The following MDGA2 variants were observed in gnomAD, a reference collection of about 807,000 sequenced individuals.
MDGA2 encodes the protein MAM domain-containing glycosylphosphatidylinositol anchor protein 2.
Under a neutral mutation model 117.8 loss-of-function variants are expected in MDGA2, and 40 were observed. The observed-to-expected ratio is 0.34, with a 90% CI of 0.26 to 0.44. The LOEUF (loss-of-function observed/expected upper bound fraction) is 0.44. MDGA2 is among the 20% of genes least tolerant of loss of function. The pLI, the probability that MDGA2 is intolerant of heterozygous loss-of-function variation, is 1.00. For synonymous variants in MDGA2, 452 were observed against 439.0 expected, an observed-to-expected ratio of 1.03 and a Z score of -0.37; for missense variants, 1,123 against 1,250.6, an observed-to-expected ratio of 0.90 and a Z score of 1.54.
intron 3 of MDGA2, among the ~76,000 whole-genome samples, chr14:47,166,749 C>T (rs1042664754): frequency 6.6e-6 from 1 of 152,180 alleles, no homozygotes; most frequent in South Asian, 2.1e-4. Context: ...AAATATGAAC[C>T]GTCACAACAA....
At chr14:47,272,449 A>G (rs9323129) in intron 2 of MDGA2, among the ~76,000 whole-genome samples, 29,578 of 152,094 alleles carry the variant, frequency 0.19, 3,131 homozygotes, top group South Asian at 0.29. Flanking sequence ...GAGAAGAAGA[A>G]GATGGGAGGG....
intron 8 of MDGA2, among the ~76,000 whole-genome samples, chr14:47,020,950 A>G (rs1408574754): frequency 2.0e-5 from 3 of 152,186 alleles, no homozygotes; most frequent in African/African-American, 7.2e-5. Flanking sequence ...TTTTTAAATT[A>G]GGCATTTGAC....
chr14:47,651,262 A>G (rs1263996349), intron 1 of MDGA2, among the ~76,000 whole-genome samples: 2 of 151,270 alleles, frequency 1.3e-5, no homozygotes, highest in Non-Finnish European at 2.9e-5. Flanking sequence ...ATACCCATAA[A>G]TACCTATACA....
intron 1 of MDGA2, among the ~76,000 whole-genome samples, chr14:47,330,420 T>C (rs944403758): frequency 4.6e-5 from 7 of 151,902 alleles, no homozygotes; most frequent in Admixed American, 2.0e-4. Context: ...AGGACATATA[T>C]TTCAAACAGT....
intron 1 of MDGA2, among the ~76,000 whole-genome samples, chr14:47,533,913 T>C (rs551909667): frequency 3.9e-5 from 6 of 152,292 alleles, no homozygotes; most frequent in African/African-American, 1.4e-4. Flanking sequence ...AAAGTACAAA[T>C]ATGGCATTCC....
At chr14:47,166,426 CA>C (rs759216962) in intron 3 of MDGA2, among the ~76,000 whole-genome samples, 49 of 152,102 alleles carry the variant, frequency 3.2e-4, no homozygotes, top group Non-Finnish European at 4.3e-4. Flanking sequence ...TTCATCAGTT[CA>C]AAAAATATTT....
chr14:47,052,556 G>A (rs1889495521), intron 7 of MDGA2, among the ~76,000 whole-genome samples: 1 of 151,694 alleles, frequency 6.6e-6, no homozygotes, highest in South Asian at 2.1e-4. Flanking sequence ...CATGTTTAAT[G>A]TTTACTGAAC....
intron 10 of MDGA2, among the ~76,000 whole-genome samples, chr14:46,900,272 A>G (rs1270116756): frequency 6.6e-6 from 1 of 152,158 alleles, no homozygotes; most frequent in Non-Finnish European, 1.5e-5. Context: ...AATGAAAAGA[A>G]TAAAACCACT....
intron 1 of MDGA2, among the ~76,000 whole-genome samples, chr14:47,472,702 G>C (rs913531917): frequency 4.6e-5 from 7 of 152,124 alleles, no homozygotes; most frequent in African/African-American, 1.7e-4. Context: ...ATGAAGCATA[G>C]AGGGAAGGGG....
chr14:47,116,851 G>A (rs937945481), intron 5 of MDGA2, among the ~76,000 whole-genome samples: 1 of 151,430 alleles, frequency 6.6e-6, no homozygotes, highest in African/African-American at 2.4e-5. Flanking sequence ...TTGATCTTGG[G>A]AATGATTTCA....
At chr14:47,416,903 G>T (rs12897676) in intron 1 of MDGA2, among the ~76,000 whole-genome samples, 1 of 151,942 alleles carries the variant, frequency 6.6e-6, no homozygotes, top group Non-Finnish European at 1.5e-5. Context: ...GTTTGTAATG[G>T]AAAGGGCATA....
chr14:47,369,389 G>A (rs7147159), intron 1 of MDGA2, among the ~76,000 whole-genome samples: 109,618 of 151,986 alleles, frequency 0.72, 39,794 homozygotes, highest in Middle Eastern at 0.82. Context: ...CTTAAAAAAA[G>A]TTCTGGAAAT....
chr14:46,844,682 A>AC (rs1880752118), intron 16 of MDGA2, among the ~76,000 whole-genome samples: 1 of 152,206 alleles, frequency 6.6e-6, no homozygotes, highest in Non-Finnish European at 1.5e-5. Context: ...GTGTCCTCAC[A>AC]CAAGTCTCAT....
chr14:47,532,716 T>A (rs904232949), intron 1 of MDGA2, among the ~76,000 whole-genome samples: 22 of 152,226 alleles, frequency 1.4e-4, no homozygotes, highest in African/African-American at 5.3e-4. Flanking sequence ...TTGTATCAGT[T>A]AAAACTTTTT....
At chr14:47,148,959 G>A (rs1165045150) in intron 3 of MDGA2, among the ~76,000 whole-genome samples, 5 of 152,106 alleles carry the variant, frequency 3.3e-5, no homozygotes, top group Admixed American at 6.6e-5. Flanking sequence ...CTGTGATTCT[G>A]GAGTCTTAGA....
At chr14:47,547,432 C>T (rs1321088724) in intron 1 of MDGA2, among the ~76,000 whole-genome samples, 1 of 152,164 alleles carries the variant, frequency 6.6e-6, no homozygotes, top group Non-Finnish European at 1.5e-5. Context: ...CATGATTTCT[C>T]CAACTTCCTC....
chr14:47,487,826 G>C (rs932273681), intron 1 of MDGA2, among the ~76,000 whole-genome samples: 4 of 151,920 alleles, frequency 2.6e-5, no homozygotes, highest in African/African-American at 9.7e-5. Flanking sequence ...CCTTTTCTTA[G>C]TCTTGGCAAT....
intron 1 of MDGA2, among the ~76,000 whole-genome samples, chr14:47,447,387 A>G (rs538103625): frequency 5.4e-4 from 82 of 152,308 alleles, no homozygotes; most frequent in African/African-American, 1.9e-3. Context: ...GGACAAAGAA[A>G]GAAAAAGGAG....
chr14:47,095,377 C>T (rs1367349635), intron 6 of MDGA2, among the ~76,000 whole-genome samples: 2 of 151,874 alleles, frequency 1.3e-5, no homozygotes, highest in African/African-American at 4.8e-5. Flanking sequence ...AAACCATGAT[C>T]ATCAATGACC....
Sources: allele counts gnomAD v4.1 joint callset (sites outside exome capture counted in the v4.1 genomes callset), GRCh38; gene constraint gnomAD v4.1.1; transcripts MANE v1.5; gene names NCBI Gene and HGNC (gene_info 2026-07-23, HGNC 2026-07-21).